LEKR1: variants seen among roughly 807,000 people sequenced by gnomAD.
The protein encoded by LEKR1 is protein LEKR1.
In LEKR1, 59 loss-of-function variants were observed where a neutral mutation model predicts 72.4. The observed-to-expected ratio is 0.82, with a 90% CI of 0.66 to 1.01. The LOEUF (loss-of-function observed/expected upper bound fraction) is 1.01, where lower values mean the gene tolerates loss of function less well. Among genes scored for constraint, LEKR1 ranks in the 50% least tolerant of loss-of-function variants. The probability of loss-of-function intolerance (pLI) is 0.00; values close to 1 mark genes in which losing one functional copy is unlikely to be tolerated. For missense variants in LEKR1, 728 were observed against 759.2 expected, an observed-to-expected ratio of 0.96 and a Z score of 0.48; for synonymous variants, 257 against 263.2, an observed-to-expected ratio of 0.98 and a Z score of 0.23.
intron 3 of LEKR1, among the ~76,000 whole-genome samples, chr3:156,891,080 A>G (rs1376183737): frequency 8.7e-5 from 13 of 148,792 alleles, no homozygotes; most frequent in Admixed American, 8.1e-4. Flanking sequence ...CATGTTGGCC[A>G]GGCTGGTCTC....
At chr3:157,003,804 C>G (rs1226936082) in intron 9 of LEKR1, among the ~76,000 whole-genome samples, 1 of 152,030 alleles carries the variant, frequency 6.6e-6, no homozygotes, top group African/African-American at 2.4e-5. Context: ...CTATTATCAA[C>G]CCTGTAGCAA....
intron 3 of LEKR1, among the ~76,000 whole-genome samples, chr3:156,894,598 A>G (rs1217989098): frequency 6.6e-6 from 1 of 152,202 alleles, no homozygotes; most frequent in Non-Finnish European, 1.5e-5. Flanking sequence ...AATTCTAAGC[A>G]AGAAGAGTAA....
intron 10 of LEKR1, among the ~76,000 whole-genome samples, chr3:157,023,586 T>C (rs1356704942): frequency 2.6e-5 from 4 of 152,056 alleles, no homozygotes; most frequent in Admixed American, 6.6e-5. Flanking sequence ...TGTTAGAGCT[T>C]TACACAGAAG....
intron 6 of LEKR1, among the ~76,000 whole-genome samples, chr3:156,961,585 G>A (rs1728138874): frequency 6.6e-6 from 1 of 152,308 alleles, no homozygotes; most frequent in Middle Eastern, 3.4e-3. Flanking sequence ...TTTCATCCAT[G>A]TTGTAGCATA....
chr3:156,836,437 A>G (rs1576632003), intron 2 of LEKR1, among the ~76,000 whole-genome samples: 1 of 152,318 alleles, frequency 6.6e-6, no homozygotes, highest in East Asian at 1.9e-4. Flanking sequence ...AAAAAACAAG[A>G]TCCAAGAAGA....
intron 2 of LEKR1, among the ~76,000 whole-genome samples, chr3:156,847,395 C>T (rs1279617252): frequency 3.3e-5 from 5 of 152,144 alleles, no homozygotes; most frequent in Non-Finnish European, 7.4e-5. Flanking sequence ...AACACCAGAA[C>T]ATCCTGTTAA....
intron 3 of LEKR1, among the ~76,000 whole-genome samples, chr3:156,912,281 G>T (rs1476760799): frequency 6.6e-6 from 1 of 152,152 alleles, no homozygotes; most frequent in Admixed American, 6.6e-5. Context: ...GTTTTATCCT[G>T]TGCCCCTCTC....
intron 10 of LEKR1, among the ~76,000 whole-genome samples, chr3:157,011,962 G>T (rs1171419205): frequency 6.6e-6 from 1 of 151,968 alleles, no homozygotes; most frequent in Non-Finnish European, 1.5e-5. Context: ...TAAGCATTCA[G>T]CTTGCTATTA....
At chr3:156,885,302 G>T (rs550362445) in intron 3 of LEKR1, among the ~76,000 whole-genome samples, 140 of 152,082 alleles carry the variant, frequency 9.2e-4, no homozygotes, top group Non-Finnish European at 1.5e-3. Context: ...ATTTCTTCCT[G>T]GTTTGGATCC....
chr3:157,021,067 T>C (rs1431136920), intron 10 of LEKR1, among the ~76,000 whole-genome samples: 2 of 151,896 alleles, frequency 1.3e-5, no homozygotes, highest in Admixed American at 6.5e-5. Flanking sequence ...TTTGGCTGCA[T>C]AAATGTCTTC....
At chr3:156,966,509 G>A (rs993877911) in intron 6 of LEKR1, among the ~76,000 whole-genome samples, 10 of 152,290 alleles carry the variant, frequency 6.6e-5, no homozygotes, top group African/African-American at 1.9e-4. Flanking sequence ...AGGGTCCTGC[G>A]CCCATGGAGC....
At chr3:156,889,337 C>CT (rs1249732266) in intron 3 of LEKR1, among the ~76,000 whole-genome samples, 2 of 149,392 alleles carry the variant, frequency 1.3e-5, no homozygotes, top group Non-Finnish European at 3.0e-5. Context: ...CCCTGTACCT[C>CT]TTTTTTTCTC....
intron 2 of LEKR1, among the ~76,000 whole-genome samples, chr3:156,843,522 G>A (rs1184869859): frequency 6.6e-6 from 1 of 151,994 alleles, no homozygotes; most frequent in African/African-American, 2.4e-5. Context: ...CAGAAGTAGC[G>A]ATACAAGGGC....
intron 2 of LEKR1, among the ~76,000 whole-genome samples, chr3:156,837,458 G>A (rs1713298576): frequency 6.6e-6 from 1 of 152,164 alleles, no homozygotes; most frequent in Admixed American, 6.5e-5. Flanking sequence ...TCCCAAGGAC[G>A]TAAAACAAGA....
intron 10 of LEKR1, among the ~76,000 whole-genome samples, chr3:157,020,233 A>T (rs1308618504): frequency 1.3e-5 from 2 of 149,612 alleles, no homozygotes; most frequent in Non-Finnish European, 3.0e-5. Context: ...CAACTTCATC[A>T]AAGGGACCCT....
intron 9 of LEKR1, among the ~76,000 whole-genome samples, chr3:156,995,574 G>A: frequency 6.6e-6 from 1 of 152,214 alleles, no homozygotes; most frequent in Non-Finnish European, 1.5e-5. Flanking sequence ...GCTCACACCT[G>A]TAAGCCCAGC....
intron 7 of LEKR1, among the ~76,000 whole-genome samples, chr3:156,985,606 G>A (rs547227329): frequency 2.0e-5 from 3 of 152,178 alleles, no homozygotes; most frequent in East Asian, 1.9e-4. Flanking sequence ...AGACTGAGGC[G>A]AGGCAGGTGG....
In LEKR1 at chr3:156,898,182, G is replaced by A. The variant is rs1173223751; in HGVS notation, c.264-22393G>A. ...TCCCCCACAAAGGACAGCTTTGCAG[G>A]GCCATTTCAAGTTATGGCAAGTAAA... On this transcript the variant is annotated intron_variant, in intron 3 of 12. Coordinates refer to ENST00000356539, the MANE Select transcript of LEKR1 (RefSeq NM_001004316.3). Among the ~76,000 whole-genome samples the A allele has an allele frequency of 2.0e-5, 3 of 151,954 alleles. No individual in the cohort carries two copies. The East Asian group carries it at 5.8e-4, about 29-fold the overall frequency.
chr3:156,988,619 GGTAAAGGT>G, intron 7 of LEKR1: 1 of 228,206 alleles, frequency 4.4e-6, no homozygotes, highest in African/African-American at 2.3e-5. Flanking sequence ...ATTCCTTCCT[GGTAAAGGT>G]ACTGAAGAAC....
Sources: allele counts gnomAD v4.1 joint callset (sites outside exome capture counted in the v4.1 genomes callset), GRCh38; gene constraint gnomAD v4.1.1; transcripts MANE v1.5; gene names NCBI Gene and HGNC (gene_info 2026-07-23, HGNC 2026-07-21).